LOXHD1: variants seen among roughly 807,000 people sequenced by gnomAD.
The protein encoded by LOXHD1 is lipoxygenase homology PLAT domains 1.
A neutral mutation model predicts 248.2 loss-of-function variants in LOXHD1; 205 were observed. That is an observed-to-expected ratio of 0.83 (90% CI 0.74 to 0.93). The LOEUF (loss-of-function observed/expected upper bound fraction) is 0.93. Among genes scored for constraint, LOXHD1 ranks in the 40% least tolerant of loss-of-function variants. The pLI is 0.00. For missense variants in LOXHD1, 2,930 were observed against 2,971.6 expected (o/e 0.99, Z 0.33); for synonymous variants, 1,113 against 1,162.8 (o/e 0.96, Z 0.87).
chr18:46,477,631 C>T lies in LOXHD1; in HGVS notation c.6663G>A (p.Leu2221=). The T allele has an allele frequency of 6.4e-7, 1 of 1,551,800 alleles. No individual in the cohort carries two copies. The highest frequency in any genetic ancestry group is 8.7e-7 in the Non-Finnish European group (1 of 1,147,028). The change falls in exon 41 of 41, where the codon CTG becomes CTA. Residue 2221 remains leucine (L), a synonymous_variant. Coordinates refer to ENST00000642948, the MANE Select transcript of LOXHD1 (RefSeq NM_001384474.1). ...LELGELRKVR[L]EHDSSGYCSG... Reference sequence around the variant, plus strand: ...AGCAGTAGCCACTGCTGTCGTGCTCCAGGCGCACCTTGCGCAGCTCACCCA... The same window carrying T: ...AGCAGTAGCCACTGCTGTCGTGCTCTAGGCGCACCTTGCGCAGCTCACCCA...
At chr18:46,643,869 A>G (rs1187357955) in intron 2 of LOXHD1, among the ~76,000 whole-genome samples, 1 of 152,218 alleles carries the variant, frequency 6.6e-6, no homozygotes, top group Non-Finnish European at 1.5e-5. Context: ...ATGAAACAGA[A>G]ATAGGTTTAT....
At chr18:46,550,351 A>G (rs2037039250) in intron 21 of LOXHD1, among the ~76,000 whole-genome samples, 1 of 151,872 alleles carries the variant, frequency 6.6e-6, no homozygotes, top group East Asian at 1.9e-4. Context: ...AGGCGGGTGG[A>G]TCATGAGGTC....
intron 4 of LOXHD1, among the ~76,000 whole-genome samples, chr18:46,618,658 C>A (rs1446455110): frequency 6.6e-6 from 1 of 152,154 alleles, no homozygotes; most frequent in Non-Finnish European, 1.5e-5. Flanking sequence ...AAGGTGCCAC[C>A]CTGAACCAAC....
chr18:46,522,079 T>C (rs1335718438), intron 32 of LOXHD1, 22 bp downstream of exon 32: 6 of 1,495,452 alleles, frequency 4.0e-6, no homozygotes, highest in East Asian at 5.3e-5. Flanking sequence ...GTCACTATCA[T>C]GGGGCCCCGA....
chr18:46,540,506 T>C (rs958863641), intron 25 of LOXHD1, among the ~76,000 whole-genome samples: 1 of 152,144 alleles, frequency 6.6e-6, no homozygotes, highest in Non-Finnish European at 1.5e-5. Flanking sequence ...ACAGAAAAGC[T>C]GGCAACAGAA....
In LOXHD1 at chr18:46,541,824, T is replaced by G. The variant is rs548597036; in HGVS notation, c.3865A>C (p.Ile1289Leu). 8 of 1,551,690 alleles carry G rather than the reference T, an allele frequency of 5.2e-6. No individual in the cohort carries two copies. Among genetic ancestry groups the G allele is most frequent in the African/African-American group, 2.7e-5 (2 of 73,162 alleles). The change falls in exon 25 of 41, where the codon ATC becomes CTC. Residue 1289 changes from isoleucine to leucine, a missense_variant. By Grantham distance (5) the Ile-to-Leu change is conservative. Coordinates refer to ENST00000642948, the MANE Select transcript of LOXHD1 (RefSeq NM_001384474.1). Reference sequence around the variant, plus strand: ...AGCTCTGCATGGAAGAGGTCTCTGATGATGGACCCGTCGTCTTCGTTTTTG... The same window carrying G: ...AGCTCTGCATGGAAGAGGTCTCTGAGGATGGACCCGTCGTCTTCGTTTTTG... The part of the protein sequence containing the change: ...LAKNEDDGSI[I>L]RDLFHAELQT...
chr18:46,593,683 A>G lies in LOXHD1; in HGVS notation c.1348T>C (p.Tyr450His). Reference protein sequence around the residue: ...GTNSPIFIQIYGQKGRTDEIL... With the variant: ...GTNSPIFIQIHGQKGRTDEIL... ...TCATCTGTCCGCCCCTTCTGCCCAT[A>G]AATCTGGATGAAGATGGGAGAGTTG... Residue 450 changes from tyrosine to histidine, a missense_variant, in exon 10 of 41, where the codon TAT (tyrosine) becomes CAT (histidine). By Grantham distance (83) the Tyr-to-His change is moderately conservative. Coordinates refer to ENST00000642948, the MANE Select transcript of LOXHD1 (RefSeq NM_001384474.1). 6.4e-7 allele frequency: 1 copy of G among 1,552,286 alleles called. No individual in the cohort carries two copies. Among genetic ancestry groups the G allele is most frequent in the Non-Finnish European group, 8.7e-7 (1 of 1,147,106 alleles).
At chr18:46,531,242 C>G in intron 28 of LOXHD1, among the ~76,000 whole-genome samples, 1 of 150,258 alleles carries the variant, frequency 6.7e-6, no homozygotes, top group South Asian at 2.1e-4. Flanking sequence ...CCCCACTCTG[C>G]CCCACTCAGC....
intron 35 of LOXHD1, among the ~76,000 whole-genome samples, chr18:46,508,639 C>A (rs894056384): frequency 1.3e-5 from 2 of 152,242 alleles, no homozygotes; most frequent in Non-Finnish European, 2.9e-5. Context: ...GAGACTATAA[C>A]ATACATTATG....
At chr18:46,526,493 A>C (rs185859209) in intron 29 of LOXHD1, among the ~76,000 whole-genome samples, 1 of 152,366 alleles carries the variant, frequency 6.6e-6, no homozygotes, top group East Asian at 1.9e-4. Flanking sequence ...CTATGGGTGC[A>C]TGTACATGTA....
intron 9 of LOXHD1, among the ~76,000 whole-genome samples, 179 bp downstream of exon 9, chr18:46,594,152 C>T (rs969437132): frequency 4.6e-5 from 7 of 152,042 alleles, no homozygotes; most frequent in African/African-American, 1.7e-4. Flanking sequence ...CTCTATATGG[C>T]CTGTACTTTG....
intron 12 of LOXHD1, among the ~76,000 whole-genome samples, chr18:46,585,189 C>T (rs1488411058): frequency 6.6e-6 from 1 of 152,056 alleles, no homozygotes; most frequent in Non-Finnish European, 1.5e-5. Context: ...CAATGTGGTG[C>T]TGGAGATTTC....
rs1057399688 is a variant in LOXHD1, at chr18:46,539,461, A to T, written c.3914-1124T>A. ...GGGTAACAGAGTGAGACTCTCTCTTAAAAAAAAAATGCAGATTTGCAAAAC... is the reference window on the plus strand; with the variant it reads ...GGGTAACAGAGTGAGACTCTCTCTTTAAAAAAAAATGCAGATTTGCAAAAC... On this transcript the variant is annotated intron_variant, in intron 25 of 40. Transcript: ENST00000642948. Among the ~76,000 whole-genome samples the T allele has an allele frequency of 5.3e-5, 3 of 56,104 alleles. No individual in the cohort carries two copies. In the East Asian group the frequency reaches 3.1e-3, roughly 58 times the overall value. 36.8% of individuals were successfully genotyped at this position (56,104 alleles called of 152,430 possible).
Position 46,566,313 on chromosome 18 carries a change from G to C in LOXHD1, c.2381C>G (p.Ala794Gly), listed in dbSNP as rs2144059747. 1 of 1,551,880 alleles carries C rather than the reference G, an allele frequency of 6.4e-7. No homozygotes were observed. Among genetic ancestry groups the C allele is most frequent in the East Asian group, 2.4e-5 (1 of 40,924 alleles). The part of the protein sequence containing the change: ...PANRWLDKNQ[A>G]DGRLEVELYP... ...CAGCTCCACCTCCAGGCGCCCGTCA[G>C]CCTGGTTCTTGTCCAGCCAGCGGTT... is the stretch of plus-strand genomic sequence containing the variant. Residue 794 changes from alanine (A) to glycine (G), a missense_variant, in exon 17 of 41, where the codon GCT becomes GGT. Transcript: ENST00000642948.
chr18:46,560,497 T>A lies in LOXHD1; in HGVS notation c.2647A>T (p.Thr883Ser). Residue 883 changes from threonine to serine, a missense_variant, in exon 19 of 41, where the codon ACG becomes TCG. By Grantham distance (58) the Thr-to-Ser change is moderately conservative. Transcript: ENST00000642948. ...GEVYKLRLGH[T>S]GEGFGPSWFV... ...CAGCTGGGCCCAAAGCCCTCGCCCG[T>A]GTGCCCGAGCCGGAGCTTATAGACC... is the stretch of plus-strand genomic sequence containing the variant. 6.5e-7 allele frequency: 1 copy of A among 1,537,846 alleles called. No homozygotes were observed. Among genetic ancestry groups the A allele is most frequent in the Non-Finnish European group, 8.7e-7 (1 of 1,146,600 alleles).
chr18:46,549,470 G>A (rs954850343), intron 21 of LOXHD1, among the ~76,000 whole-genome samples: 1 of 152,224 alleles, frequency 6.6e-6, no homozygotes, highest in Non-Finnish European at 1.5e-5. Context: ...GCAGAGTGGT[G>A]TAATGACAAA....
intron 13 of LOXHD1, among the ~76,000 whole-genome samples, chr18:46,579,379 G>T (rs149732694): frequency 6.6e-6 from 1 of 152,198 alleles, no homozygotes; most frequent in Non-Finnish European, 1.5e-5. Flanking sequence ...GAGTCCAACA[G>T]GTGTCCATGC....
chr18:46,557,759 AG>A, intron 20 of LOXHD1: 3 of 928,498 alleles, frequency 3.2e-6, no homozygotes, highest in Non-Finnish European at 4.7e-6. Flanking sequence ...TGACCTTGAG[AG>A]GCAGAAGAGA....
intron 19 of LOXHD1, 30 bp downstream of exon 19, chr18:46,560,048 TCCCTC>T: frequency 3.6e-5 from 44 of 1,226,232 alleles, no homozygotes; most frequent in Non-Finnish European, 4.3e-5. Context: ...GTCTGGCCAC[TCCCTC>T]CCCACCCCCA....
Sources: allele counts gnomAD v4.1 joint callset (sites outside exome capture counted in the v4.1 genomes callset), GRCh38; gene constraint gnomAD v4.1.1; transcripts MANE v1.5; gene names NCBI Gene and HGNC (gene_info 2026-07-23, HGNC 2026-07-21).